The following ZNF878 variants were observed in gnomAD, a reference collection of about 807,000 sequenced individuals.
ZNF878 encodes the protein zinc finger protein 878.
In ZNF878, 10 loss-of-function variants were observed where a neutral mutation model predicts 11.1. That is an observed-to-expected ratio of 0.90 (90% CI 0.56 to 1.53). ZNF878 has a LOEUF of 1.53. ZNF878 is among the 40% of genes most tolerant of loss of function. ZNF878 has a pLI of 0.00. For synonymous variants in ZNF878, 165 were observed against 209.7 expected (o/e 0.79, Z 1.84); for missense variants, 548 against 626.1 (o/e 0.88, Z 1.33).
At chr19:12,050,884 G>C (rs568780054) in intron 1 of ZNF878, among the ~76,000 whole-genome samples, 2 of 150,452 alleles carry the variant, frequency 1.3e-5, no homozygotes, top group South Asian at 4.2e-4. Flanking sequence ...CACGAGGTCA[G>C]GAGATCGAGA....
At chr19:12,045,630 G>A (rs1409209356) in intron 3 of ZNF878, among the ~76,000 whole-genome samples, 2 of 147,362 alleles carry the variant, frequency 1.4e-5, no homozygotes, top group Non-Finnish European at 2.9e-5. Context: ...CTGGGTGACA[G>A]AGCGAGACAC....
chr19:12,050,674 C>T (rs141906774), intron 1 of ZNF878, among the ~76,000 whole-genome samples: 2 of 152,300 alleles, frequency 1.3e-5, no homozygotes, highest in East Asian at 1.9e-4. Context: ...CAGGAAAGAC[C>T]CCTTCCCTCT....
chr19:12,052,719 G>GCAGC, intron 1 of ZNF878, 80 bp downstream of exon 1: 1 of 1,469,042 alleles, frequency 6.8e-7, no homozygotes, highest in Non-Finnish European at 9.2e-7. Context: ...AGGGGGGCCC[G>GCAGC]GGCCCCGCCA....
Position 12,044,995 on chromosome 19 carries a change from T to A in ZNF878, c.406A>T (p.Thr136Ser). 1.2e-6 allele frequency: 2 copies of A among 1,614,048 alleles called. No homozygotes were observed. The highest frequency in any genetic ancestry group is 1.7e-6 in the Non-Finnish European group (2 of 1,180,006). ...TCATAAGGCTTTTCCCCAGTGTGAG[T>A]TCTTCCATGTATTGCAAGGCTACTG... ...YSSSLAIHGRTHTGEKPYECK... is the reference protein window; with the variant it reads ...YSSSLAIHGRSHTGEKPYECK... Residue 136 changes from threonine (T) to serine (S), a missense_variant, in exon 4 of 4, where the codon ACT becomes TCT. By Grantham distance (58) the Thr-to-Ser change is moderately conservative. This residue lies in a region of ZNF878 where 160 missense variants were observed against 173.3 expected (regional missense o/e 0.92). Transcript: ENST00000547628.
At chr19:12,051,095 C>CAAAAAAAAAA (rs370628123) in intron 1 of ZNF878, among the ~76,000 whole-genome samples, 17 of 36,748 alleles carry the variant, frequency 4.6e-4, no homozygotes, top group Non-Finnish European at 6.9e-4. Context: ...GACTCCGTCT[C>CAAAAAAAAAA]AAAAAAAAAA....
In ZNF878 at chr19:12,044,221, G is replaced by A; in HGVS notation, c.1180C>T (p.Pro394Ser). The A allele has an allele frequency of 6.2e-7, 1 of 1,614,120 alleles. No individual in the cohort carries two copies. Among genetic ancestry groups the A allele is most frequent in the East Asian group, 2.2e-5 (1 of 44,878 alleles). The change falls in exon 4 of 4, where the codon CCC becomes TCC. Residue 394 changes from proline (P) to serine (S), a missense_variant. Physicochemically the swap from Pro to Ser is moderately conservative, Grantham distance 74 (BLOSUM62 -1). Coordinates refer to ENST00000547628, the MANE Select transcript of ZNF878 (RefSeq NM_001080404.3). ...YHERTHTGEK[P>S]YECKQCGKAF... Reference sequence around the variant, plus strand: ...TTCCCACATTGCTTACACTCATAGGGTTTCTCTCCAGTGTGAGTCCTTTCA... The same window carrying A: ...TTCCCACATTGCTTACACTCATAGGATTTCTCTCCAGTGTGAGTCCTTTCA...
intron 1 of ZNF878, among the ~76,000 whole-genome samples, chr19:12,046,999 T>A (rs1568351662): frequency 6.6e-6 from 1 of 152,150 alleles, no homozygotes; most frequent in Non-Finnish European, 1.5e-5. Context: ...AAATGTGTGT[T>A]TCTGGTGAGT....
In ZNF878 at chr19:12,044,114, A is replaced by G. The variant is rs1975429474; in HGVS notation, c.1287T>C (p.Gly429=). Residue 429 remains glycine, a synonymous_variant, in exon 4 of 4, where the codon GGT becomes GGC. Transcript: ENST00000547628. The part of the protein sequence containing the change: ...GEKPYGCKQC[G]KVFRVASQLK... Reference sequence around the variant, plus strand: ...GTTGTGAGGCAACTCTAAAGACTTTACCACATTGCTTACATCCATAGGGTT... The same window carrying G: ...GTTGTGAGGCAACTCTAAAGACTTTGCCACATTGCTTACATCCATAGGGTT... 1 of 1,609,602 alleles carries G rather than the reference A, an allele frequency of 6.2e-7. No homozygotes were observed.
intron 3 of ZNF878, among the ~76,000 whole-genome samples, chr19:12,045,615 C>A (rs1975470807): frequency 6.6e-6 from 1 of 151,284 alleles, no homozygotes; most frequent in Non-Finnish European, 1.5e-5. Flanking sequence ...CCGCTGCACT[C>A]CAGCCTGGGT....
At chr19:12,045,386 G>A (rs1477313665) in intron 3 of ZNF878, among the ~76,000 whole-genome samples, 177 bp from the exon 4 acceptor site, 3 of 152,108 alleles carry the variant, frequency 2.0e-5, no homozygotes, top group Non-Finnish European at 2.9e-5. Flanking sequence ...GGTGGCTCAC[G>A]CCTGTAATCC....
At position 12,044,727 on chromosome 19, in the gene ZNF878, C is replaced by T. The variant is rs1975448248; in HGVS notation, c.674G>A (p.Arg225Lys). ...CCCACATATGTTACATTTATGAGGT[C>T]TCTCTCCAGTGTGCATTCTCATGTG... is the stretch of plus-strand genomic sequence containing the variant. ...QTHMRMHTGE[R>K]PHKCNICGKA... is the part of the protein sequence containing the mutation. The change falls in exon 4 of 4, where the codon AGA (arginine) becomes AAA (lysine). Residue 225 changes from arginine (R) to lysine (K), a missense_variant. Physicochemically the swap from Arg to Lys is conservative, Grantham distance 26. Transcript: ENST00000547628. 6.2e-7 allele frequency: 1 copy of T among 1,613,664 alleles called. No individual in the cohort carries two copies. Among genetic ancestry groups the T allele is most frequent in the Non-Finnish European group, 8.5e-7 (1 of 1,179,886 alleles).
intron 1 of ZNF878, among the ~76,000 whole-genome samples, chr19:12,047,182 C>A (rs906789588): frequency 1.3e-5 from 2 of 152,108 alleles, no homozygotes; most frequent in South Asian, 4.1e-4. Flanking sequence ...TTTGTGATGA[C>A]TAGAAAGTGG....
intron 1 of ZNF878, among the ~76,000 whole-genome samples, chr19:12,052,568 G>A (rs1230298166): frequency 6.6e-6 from 1 of 152,194 alleles, no homozygotes. Context: ...AGAGGGAGCC[G>A]GGGCCGGGGC....
chr19:12,043,719 G>A, downstream of ZNF878: 1 of 1,299,210 alleles, frequency 7.7e-7, no homozygotes, highest in Non-Finnish European at 1.0e-6. Flanking sequence ...GAGATTACAG[G>A]TGTCTCTGCA....
At position 12,044,331 on chromosome 19, in the gene ZNF878, T is replaced by G; in HGVS notation, c.1070A>C (p.His357Pro). ...TTTCTCTCCAGTGTGTGTCCTTTCA[T>G]GTATTCGAAGATCCTTGACAAAACT... The part of the protein sequence containing the change: ...AFSFVKDLRI[H>P]ERTHTGEKPF... The change falls in exon 4 of 4, where the codon CAT (histidine) becomes CCT (proline). Residue 357 changes from histidine to proline, a missense_variant. Physicochemically the swap from His to Pro is moderately conservative, Grantham distance 77. Transcript: ENST00000547628. The G allele has an allele frequency of 6.2e-7, 1 of 1,612,870 alleles. No homozygotes were observed. Among genetic ancestry groups the G allele is most frequent in the Non-Finnish European group, 8.5e-7 (1 of 1,179,090 alleles).
Position 12,045,433 on chromosome 19 carries a change from G to A in ZNF878, c.192-224C>T, listed in dbSNP as rs1975465836. On this transcript the variant is annotated intron_variant, in intron 3 of 3. Transcript: ENST00000547628. ...GAGGCCGAGGAGGGTGGATCATGAG[G>A]TCAGGAGATCGAGACCATCCTGGCT... Among the ~76,000 whole-genome samples the A allele has an allele frequency of 2.6e-5, 4 of 152,126 alleles. No individual in the cohort carries two copies. The South Asian group carries it at 8.3e-4, about 32-fold the overall frequency.
chr19:12,052,752 C>A (rs763683282), intron 1 of ZNF878, 47 bp downstream of exon 1: 3 of 1,535,078 alleles, frequency 2.0e-6, no homozygotes, highest in Non-Finnish European at 2.6e-6. Flanking sequence ...CTCGGTTCCA[C>A]CCAGTCCCTC....
At chr19:12,048,468 A>AGATC (rs886913289) in intron 1 of ZNF878, among the ~76,000 whole-genome samples, 2 of 151,470 alleles carry the variant, frequency 1.3e-5, no homozygotes, top group Admixed American at 1.3e-4. Context: ...CAGTGAGCCA[A>AGATC]GATCGAGCCA....
chr19:12,047,923 C>G (rs1470717992), intron 1 of ZNF878, among the ~76,000 whole-genome samples: 1 of 152,188 alleles, frequency 6.6e-6, no homozygotes, highest in African/African-American at 2.4e-5. Flanking sequence ...TAATATACAA[C>G]CCAGTGACTT....
Sources: allele counts gnomAD v4.1 joint callset (sites outside exome capture counted in the v4.1 genomes callset), GRCh38; gene constraint gnomAD v4.1.1; regional missense constraint gnomAD v4.1.1; transcripts MANE v1.5; gene names NCBI Gene and HGNC (gene_info 2026-07-23, HGNC 2026-07-21).